The following GPR119 variants were observed in gnomAD, a reference collection of about 807,000 sequenced individuals.
The protein encoded by GPR119 is glucose-dependent insulinotropic receptor.
GPR119 carries 7 observed loss-of-function variants against 13.3 expected under a neutral mutation model. The ratio of observed to expected loss-of-function variants is 0.53; its 90% CI spans 0.30 to 0.99. GPR119 has a LOEUF of 0.99. Among genes scored for constraint, GPR119 ranks in the 50% least tolerant of loss-of-function variants. The pLI is 0.06. For synonymous variants in GPR119, 107 were observed against 112.5 expected (o/e 0.95, Z 0.31); for missense variants, 197 against 263.0 (o/e 0.75, Z 1.74).
In GPR119 at chrX:130,384,997, A is replaced by G. The variant is rs1412076404; in HGVS notation, c.451T>C (p.Tyr151His). ...GCAAAGAAGCTGCACTGCCCTTTGT[A>G]GGCAGTCTGCTGGAACATGGGGATT... The part of the protein sequence containing the change: ...LGIPMFQQTA[Y>H]KGQCSFFAVF... The change falls in exon 1 of 2, where the codon TAC becomes CAC. Residue 151 changes from tyrosine (Y) to histidine (H), a missense_variant. By Grantham distance (83) the Tyr-to-His change is moderately conservative. Transcript: ENST00000682440. 2 of 1,209,520 alleles carry G rather than the reference A, an allele frequency of 1.7e-6. No individual in the cohort carries two copies. The highest frequency in any genetic ancestry group is 3.5e-5 in the African/African-American group (2 of 57,318).
chrX:130,384,591 A>G lies in GPR119; in HGVS notation c.857T>C (p.Val286Ala). The G allele has an allele frequency of 2.5e-6, 3 of 1,211,559 alleles. No homozygotes were observed. The South Asian group carries it at 5.3e-5, about 21-fold the overall frequency. ...PLIYAYWQKE[V>A]RLQLYHMALG... Reference sequence around the variant, plus strand: ...GGCCATGTGGTAGAGCTGCAGTCGCACCTCCTTCTGCCAATAGGCATAGAT... The same window carrying G: ...GGCCATGTGGTAGAGCTGCAGTCGCGCCTCCTTCTGCCAATAGGCATAGAT... The change falls in exon 1 of 2, where the codon GTG (valine) becomes GCG (alanine). Residue 286 changes from valine to alanine, a missense_variant. By Grantham distance (64) the Val-to-Ala change is moderately conservative. Coordinates refer to ENST00000682440, the MANE Select transcript of GPR119 (RefSeq NM_178471.3).
rs1048350052 is a variant in GPR119, at chrX:130,380,866, G to A, written c.*1690C>T. Among the ~76,000 whole-genome samples the A allele has an allele frequency of 8.0e-5, 9 of 112,075 alleles. No homozygotes were observed. Among genetic ancestry groups the A allele is most frequent in the Admixed American group, 6.6e-4 (7 of 10,583 alleles). The stretch of plus-strand genomic sequence containing the variant: ...CAAAAACACCACAAATTCACAGTAA[G>A]CTGTTCATGGAAATAATAAATGGGA... On this transcript the variant is annotated 3_prime_UTR_variant, in exon 2 of 2. Transcript: ENST00000682440.
Position 130,385,548 on chromosome X carries a change from A to T in GPR119, c.-101T>A. 2.3e-6 allele frequency: 2 copies of T among 864,161 alleles called. No homozygotes were observed. Among genetic ancestry groups the T allele is most frequent in the Non-Finnish European group, 3.3e-6 (2 of 601,541 alleles). 71.2% of individuals were successfully genotyped at this position (864,161 alleles called of 1,213,427 possible). ...GGAGCTGTGGGTTCAGAGCTACAGC[A>T]CGATTCTGGCCTTCGCTGGCAGTCC... is the stretch of plus-strand genomic sequence containing the variant. On this transcript the variant is annotated 5_prime_UTR_variant, in exon 1 of 2. Transcript: ENST00000682440.
In GPR119 at chrX:130,384,571, T is replaced by A. The variant is rs761284892; in HGVS notation, c.877A>T (p.Met293Leu). The A allele has an allele frequency of 1.7e-5, 20 of 1,211,787 alleles. No individual in the cohort carries two copies. The highest frequency in any genetic ancestry group is 2.0e-5 in the Non-Finnish European group (18 of 895,485). Residue 293 changes from methionine to leucine, a missense_variant, in exon 1 of 2, where the codon ATG (methionine) becomes TTG (leucine). Physicochemically the swap from Met to Leu is conservative, Grantham distance 15 (BLOSUM62 2). Transcript: ENST00000682440. Reference sequence around the variant, plus strand: ...AGCACCTTCTTCACTCCTAGGGCCATGTGGTAGAGCTGCAGTCGCACCTCC... The same window carrying A: ...AGCACCTTCTTCACTCCTAGGGCCAAGTGGTAGAGCTGCAGTCGCACCTCC... ...QKEVRLQLYHMALGVKKVLTS... is the reference protein window; with the variant it reads ...QKEVRLQLYHLALGVKKVLTS...
Position 130,380,976 on chromosome X carries a change from A to G in GPR119, c.*1580T>C, listed in dbSNP as rs769396936. 8.0e-5 allele frequency among the ~76,000 whole-genome samples: 9 copies of G among 112,308 alleles called. No homozygotes were observed. Among genetic ancestry groups the G allele is most frequent in the Admixed American group, 2.8e-4 (3 of 10,606 alleles). ...GCTGAACTGAATCTGGTTTCTTGGT[A>G]AGCCTATCAGGAAACAACATCAGAT... On this transcript the variant is annotated 3_prime_UTR_variant, in exon 2 of 2. Transcript: ENST00000682440.
rs1217290641 is a variant in GPR119 at position 130,382,492 on chromosome X, T to G, written c.*64A>C. Among the ~76,000 whole-genome samples the G allele has an allele frequency of 8.9e-6, 1 of 111,939 alleles. No homozygotes were observed. The highest frequency in any genetic ancestry group is 9.5e-5 in the Admixed American group (1 of 10,480). ...AAGTTCTTCAGTTGTAGGAACACGATGCTTGCTATGGTGAAAGCAAGCATG... is the reference window on the plus strand; with the variant it reads ...AAGTTCTTCAGTTGTAGGAACACGAGGCTTGCTATGGTGAAAGCAAGCATG... On this transcript the variant is annotated 3_prime_UTR_variant, in exon 2 of 2. Transcript: ENST00000682440.
In GPR119 at chrX:130,380,046, G is replaced by A. The variant is rs1191711385; in HGVS notation, c.*2510C>T. 1.8e-5 allele frequency among the ~76,000 whole-genome samples: 2 copies of A among 112,230 alleles called. No individual in the cohort carries two copies. The highest frequency in any genetic ancestry group is 3.7e-4 in the South Asian group (1 of 2,704). ...CAAGTGAAGATTTTTTAATTAAAAG[G>A]AGAAAATTCCAGACCTGTCAGCAGT... On this transcript the variant is annotated 3_prime_UTR_variant, in exon 2 of 2. Transcript: ENST00000682440.
chrX:130,380,655 G>C lies in GPR119; in HGVS notation c.*1901C>G, dbSNP rs2124779384. Among the ~76,000 whole-genome samples, 1 of 112,244 alleles carries C rather than the reference G, an allele frequency of 8.9e-6. No individual in the cohort carries two copies. The highest frequency in any genetic ancestry group is 2.8e-4 in the East Asian group (1 of 3,576). ...ACTCAAGACTATCATGAACAACATA[G>C]GGAGACCCTGTCTCTACAAAATATA... On this transcript the variant is annotated 3_prime_UTR_variant, in exon 2 of 2. Coordinates refer to ENST00000682440, the MANE Select transcript of GPR119 (RefSeq NM_178471.3).
rs200801321 is a variant in GPR119, at chrX:130,384,410, G to A, written c.*4+26C>T. ...GGGCTCCAGAGTGGGGAGGAGAAAG[G>A]CACTTTGAAACTTCTCTGCCCTTAC... On this transcript the variant is annotated intron_variant, in intron 1 of 1. Coordinates refer to ENST00000682440, the MANE Select transcript of GPR119 (RefSeq NM_178471.3). The A allele has an allele frequency of 1.7e-5, 20 of 1,178,072 alleles. No individual in the cohort carries two copies. In the Middle Eastern group the frequency reaches 1.0e-3, roughly 61 times the overall value.
chrX:130,383,841 T>C (rs1399173978), intron 1 of GPR119, among the ~76,000 whole-genome samples: 1 of 112,029 alleles, frequency 8.9e-6, no homozygotes, highest in Non-Finnish European at 1.9e-5. Context: ...TGGGAGCCAC[T>C]AGCCACATGT....
At position 130,385,354 on chromosome X, in the gene GPR119, A is replaced by G. The variant is rs1373864326; in HGVS notation, c.94T>C (p.Leu32=). 2.5e-6 allele frequency: 3 copies of G among 1,211,393 alleles called. No homozygotes were observed. Among genetic ancestry groups the G allele is most frequent in the African/African-American group, 1.7e-5 (1 of 57,880 alleles). ...NTLVAVAVLL[L]IHKNDGVSLC... ...CTGACACCATCATTCTTGTGGATCA[A>G]CAGCAGCACAGCCACAGCCACTAGT... The change falls in exon 1 of 2, where the codon TTG becomes CTG. Residue 32 remains leucine, a synonymous_variant. Transcript: ENST00000682440.
At position 130,385,105 on chromosome X, in the gene GPR119, T is replaced by A. The variant is rs948928746; in HGVS notation, c.343A>T (p.Lys115Ter). 8.3e-7 allele frequency: 1 copy of A among 1,211,978 alleles called. No homozygotes were observed. The highest frequency in any genetic ancestry group is 1.7e-5 in the African/African-American group (1 of 57,882). ...LAIKQPFRYL[K>*]IMSGFVAGAC... Reference sequence around the variant, plus strand: ...CCGGCCACGAACCCACTCATGATCTTCAAGTAGCGGAAGGGCTGCTTGATG... The same window carrying A: ...CCGGCCACGAACCCACTCATGATCTACAAGTAGCGGAAGGGCTGCTTGATG... Residue 115 changes from lysine (K) to a stop codon, truncating the protein, a stop_gained, in exon 1 of 2, where the codon AAG becomes TAG. Coordinates refer to ENST00000682440, the MANE Select transcript of GPR119 (RefSeq NM_178471.3). LOFTEE classifies it high-confidence loss of function.
At position 130,385,620 on chromosome X, in the gene GPR119, TACTC is replaced by T. The variant is rs200016288; in HGVS notation, c.-177_-174del. Among the ~76,000 whole-genome samples the T allele has an allele frequency of 0.035, 3,878 of 110,680 alleles. 150 individuals are homozygous for T. Among genetic ancestry groups the T allele is most frequent in the African/African-American group, 0.12 (3,534 of 30,308 alleles). On this transcript the variant is annotated 5_prime_UTR_variant, in exon 1 of 2. Coordinates refer to ENST00000682440, the MANE Select transcript of GPR119 (RefSeq NM_178471.3). The stretch of plus-strand genomic sequence containing the variant: ...TGGGATCCTACAGGTCATGAAGAAT[TACTC>T]ACCCTCTCTTTTCAGTCCTCAGCCT...
At position 130,379,614 on chromosome X, in the gene GPR119, ATAGT is replaced by A. The variant is rs758160254; in HGVS notation, c.*2938_*2941del. Among the ~76,000 whole-genome samples the A allele has an allele frequency of 4.5e-5, 5 of 112,113 alleles. No homozygotes were observed. Among genetic ancestry groups the A allele is most frequent in the African/African-American group, 6.5e-5 (2 of 30,915 alleles). ...TAAGTTTTAGCACAGCTATAGGGAAATAGTTAAAGTATTATACCATTTGTTGAAA... is the reference window on the plus strand; with the variant it reads ...TAAGTTTTAGCACAGCTATAGGGAAATAAAGTATTATACCATTTGTTGAAA... On this transcript the variant is annotated 3_prime_UTR_variant, in exon 2 of 2. Coordinates refer to ENST00000682440, the MANE Select transcript of GPR119 (RefSeq NM_178471.3).
In GPR119 at chrX:130,380,914, T is replaced by C. The variant is rs1365630296; in HGVS notation, c.*1642A>G. 1.1e-4 allele frequency among the ~76,000 whole-genome samples: 12 copies of C among 112,460 alleles called. No homozygotes were observed. The highest frequency in any genetic ancestry group is 2.1e-4 in the Non-Finnish European group (11 of 53,249). On this transcript the variant is annotated 3_prime_UTR_variant, in exon 2 of 2. Transcript: ENST00000682440. ...GGACTGATTGGCCTACATTGCATCCTACAAGGTATTAATATCTGGGATGTT... is the reference window on the plus strand; with the variant it reads ...GGACTGATTGGCCTACATTGCATCCCACAAGGTATTAATATCTGGGATGTT...
chrX:130,382,726 C>T (rs1233757908), intron 1 of GPR119, among the ~76,000 whole-genome samples, 175 bp from the exon 2 acceptor site: 1 of 111,069 alleles, frequency 9.0e-6, no homozygotes, highest in Non-Finnish European at 1.9e-5. Context: ...GGAAAGTAAG[C>T]TGGGAGTTAA....
rs1315576589 is a variant in GPR119 at position 130,381,546 on chromosome X, ATTAGAT to A, written c.*1004_*1009del. On this transcript the variant is annotated 3_prime_UTR_variant, in exon 2 of 2. Coordinates refer to ENST00000682440, the MANE Select transcript of GPR119 (RefSeq NM_178471.3). Reference sequence around the variant, plus strand: ...CGCTCTGTCTTGATACTGCTAAGGTATTAGATTTATTGTTTGTCTTTTTCAACCTGA... The same window carrying A: ...CGCTCTGTCTTGATACTGCTAAGGTATTATTGTTTGTCTTTTTCAACCTGA... 8.9e-6 allele frequency among the ~76,000 whole-genome samples: 1 copy of A among 111,798 alleles called. No individual in the cohort carries two copies. Among genetic ancestry groups the A allele is most frequent in the Non-Finnish European group, 1.9e-5 (1 of 53,216 alleles).
rs1017549126 is a variant in GPR119 at position 130,385,506 on chromosome X, C to T, written c.-59G>A. 3 of 1,108,360 alleles carry T rather than the reference C, an allele frequency of 2.7e-6. No homozygotes were observed. The African/African-American group carries it at 5.4e-5, about 20-fold the overall frequency. The allele number at this position is 1,108,360 out of a possible 1,213,427, so 91.3% of individuals were successfully genotyped here. A position where few individuals can be genotyped will look rare whatever the true frequency, so the allele number is the denominator to read the frequency against. ...ATGCTATCTCTCCAGCTGAAATTCT[C>T]ATGGGCCAGGGGCAGAGGAGCTGTG... is the stretch of plus-strand genomic sequence containing the variant. On this transcript the variant is annotated 5_prime_UTR_variant, in exon 1 of 2. The change abolishes an upstream ATG in the 5' untranslated region. Coordinates refer to ENST00000682440, the MANE Select transcript of GPR119 (RefSeq NM_178471.3).
In GPR119 at chrX:130,384,476, G is replaced by A. The variant is rs200120059; in HGVS notation, c.972C>T (p.His324=). The A allele has an allele frequency of 2.8e-5, 34 of 1,211,665 alleles. No individual in the cohort carries two copies. Among genetic ancestry groups the A allele is most frequent in the Non-Finnish European group, 3.8e-5 (34 of 895,256 alleles). The change falls in exon 1 of 2, where the codon CAC becomes CAT. Residue 324 remains histidine (H), a synonymous_variant. Transcript: ENST00000682440. ...GPERPRESSC[H]IVTISSSEFD... ...ACTCTGAGCTGGAGATAGTGACGAT[G>A]TGACAGGAACTTTCCCTGGGCCTCT...
Sources: allele counts gnomAD v4.1 joint callset (sites outside exome capture counted in the v4.1 genomes callset), GRCh38; gene constraint gnomAD v4.1.1; transcripts MANE v1.5; gene names NCBI Gene and HGNC (gene_info 2026-07-23, HGNC 2026-07-21).